TGFBR3: variants seen among roughly 807,000 people sequenced by gnomAD.
TGFBR3 encodes the protein transforming growth factor beta receptor 3.
A neutral mutation model predicts 87.9 loss-of-function variants in TGFBR3; 46 were observed. The observed-to-expected ratio is 0.52, with a 90% CI of 0.41 to 0.67. TGFBR3 has a LOEUF of 0.67. Among genes scored for constraint, TGFBR3 ranks in the 30% least tolerant of loss-of-function variants. TGFBR3 has a pLI of 0.00. For synonymous variants in TGFBR3, 381 were observed against 391.6 expected, an observed-to-expected ratio of 0.97 and a Z score of 0.32; for missense variants, 866 against 1,041.9, an observed-to-expected ratio of 0.83 and a Z score of 2.32.
chr1:91,746,284 T>C (rs1309614133), intron 4 of TGFBR3, among the ~76,000 whole-genome samples: 2 of 152,142 alleles, frequency 1.3e-5, no homozygotes, highest in African/African-American at 4.8e-5. Context: ...TGTCTTTCCA[T>C]CTAAAAAACA....
At chr1:91,752,397 T>G (rs1282691797) in intron 4 of TGFBR3, among the ~76,000 whole-genome samples, 2 of 152,022 alleles carry the variant, frequency 1.3e-5, no homozygotes, top group African/African-American at 4.8e-5. Context: ...ATACACACAT[T>G]CACATACATT....
At chr1:91,886,888 G>C (rs948911211), upstream of TGFBR3, among the ~76,000 whole-genome samples, 2 of 152,118 alleles carry the variant, frequency 1.3e-5, no homozygotes, top group Non-Finnish European at 2.9e-5. Flanking sequence ...CGACAGTCTC[G>C]GCGGGGCAAC....
chr1:91,842,234 C>T (rs1233847563), intron 2 of TGFBR3, among the ~76,000 whole-genome samples: 1 of 152,138 alleles, frequency 6.6e-6, no homozygotes, highest in Non-Finnish European at 1.5e-5. Context: ...AAATTACAAG[C>T]AGCTTTTGAG....
At chr1:91,905,269 G>A (rs973228560) in intron 1 of TGFBR3, among the ~76,000 whole-genome samples, 9 of 152,096 alleles carry the variant, frequency 5.9e-5, no homozygotes, top group African/African-American at 2.2e-4. Context: ...TAATCCTCAG[G>A]ATCAGTTGGC....
At chr1:91,841,484 C>T (rs1180765876) in intron 2 of TGFBR3, among the ~76,000 whole-genome samples, 1 of 152,038 alleles carries the variant, frequency 6.6e-6, no homozygotes, top group African/African-American at 2.4e-5. Context: ...CAGTGTTAAC[C>T]CAATCTTGGA....
At chr1:91,861,665 A>G in intron 1 of TGFBR3, 21 bp from the exon 2 acceptor site, 1 of 713,874 alleles carries the variant, frequency 1.4e-6, no homozygotes, top group Non-Finnish European at 2.6e-6. Flanking sequence ...AATTTCAATA[A>G]GAAAACTTAA....
chr1:91,846,098 A>G (rs1477077557), intron 2 of TGFBR3, among the ~76,000 whole-genome samples: 4 of 151,962 alleles, frequency 2.6e-5, no homozygotes, highest in Admixed American at 2.0e-4. Flanking sequence ...GTACACTGGC[A>G]GTTTAGAAAA....
chr1:91,728,098 G>A (rs572224762), intron 6 of TGFBR3, among the ~76,000 whole-genome samples: 2 of 152,192 alleles, frequency 1.3e-5, no homozygotes, highest in Non-Finnish European at 2.9e-5. Context: ...GGACTTGAAC[G>A]AACCAGAAGA....
chr1:91,904,288 ATTTTTT>A (rs1285182606), intron 1 of TGFBR3, among the ~76,000 whole-genome samples: 1 of 126,104 alleles, frequency 7.9e-6, no homozygotes, highest in Non-Finnish European at 1.7e-5. Context: ...CAGGGCTTGG[ATTTTTT>A]TTTTTTTTTT....
chr1:91,788,270 G>A (rs1675049067), intron 3 of TGFBR3, among the ~76,000 whole-genome samples: 2 of 152,194 alleles, frequency 1.3e-5, no homozygotes, highest in Admixed American at 6.5e-5. Flanking sequence ...GGACCCTCTA[G>A]TCCTAGCAGC....
chr1:91,810,114 C>G (rs946368614), intron 2 of TGFBR3, among the ~76,000 whole-genome samples: 7 of 152,042 alleles, frequency 4.6e-5, no homozygotes, highest in Admixed American at 2.6e-4. Flanking sequence ...GCTGGAGTAC[C>G]ATGGTGCGAT....
In TGFBR3 at chr1:91,683,652, C is replaced by A; in HGVS notation, c.*87G>T. The A allele has an allele frequency of 9.1e-7, 1 of 1,103,414 alleles. No homozygotes were observed. The highest frequency in any genetic ancestry group is 2.0e-5 in the Admixed American group (1 of 49,220). 68.4% of individuals were successfully genotyped at this position (1,103,414 alleles called of 1,614,324 possible). A position where few individuals can be genotyped will look rare whatever the true frequency, so the allele number is the denominator to read the frequency against. ...CAAAATCCAGCCCTCTGAGTCTGGA[C>A]ACGAGGCTCAGCCATTGGTCCTGCC... On this transcript the variant is annotated 3_prime_UTR_variant, in exon 17 of 17. Transcript: ENST00000212355.
intron 1 of TGFBR3, among the ~76,000 whole-genome samples, chr1:91,880,945 TAAATAA>T (rs1371610286): frequency 2.0e-5 from 3 of 150,994 alleles, no homozygotes; most frequent in African/African-American, 7.3e-5. Flanking sequence ...AATAAGTATA[TAAATAA>T]AAATAAAAAA....
At chr1:91,848,314 A>G (rs537505732) in intron 2 of TGFBR3, among the ~76,000 whole-genome samples, 8 of 152,332 alleles carry the variant, frequency 5.3e-5, no homozygotes, top group Middle Eastern at 3.4e-3. Flanking sequence ...TTAAAAATCT[A>G]CAGTCTTTGA....
intron 1 of TGFBR3, among the ~76,000 whole-genome samples, chr1:91,885,054 C>T (rs1420980859): frequency 1.3e-5 from 2 of 152,256 alleles, no homozygotes; most frequent in Non-Finnish European, 2.9e-5. Context: ...ACCTCACACA[C>T]ATTAAATCAT....
chr1:91,802,866 C>A (rs752201893), intron 2 of TGFBR3, among the ~76,000 whole-genome samples: 3 of 152,064 alleles, frequency 2.0e-5, no homozygotes, highest in Non-Finnish European at 4.4e-5. Context: ...GGTGCCCCAA[C>A]ATCACCCCTT....
At chr1:91,716,471 C>A (rs1263514801) in intron 11 of TGFBR3, 77 bp from the exon 12 acceptor site, 14 of 1,613,792 alleles carry the variant, frequency 8.7e-6, no homozygotes, top group Non-Finnish European at 1.0e-5. Flanking sequence ...TGAGCTTTGG[C>A]TTTTAACATC....
chr1:91,762,708 T>G (rs772302883), intron 3 of TGFBR3, among the ~76,000 whole-genome samples: 1 of 152,232 alleles, frequency 6.6e-6, no homozygotes, highest in Non-Finnish European at 1.5e-5. Context: ...CATACATTGC[T>G]GATTCTTCCC....
intron 1 of TGFBR3, 196 bp from the exon 2 acceptor site, chr1:91,861,840 G>T (rs1678207359): frequency 6.0e-6 from 2 of 335,006 alleles, no homozygotes; most frequent in South Asian, 2.8e-5. Context: ...TTTTGCAAAT[G>T]ACATATTTGT....
Sources: allele counts gnomAD v4.1 joint callset (sites outside exome capture counted in the v4.1 genomes callset), GRCh38; gene constraint gnomAD v4.1.1; transcripts MANE v1.5; gene names NCBI Gene and HGNC (gene_info 2026-07-23, HGNC 2026-07-21).